Variants in TAAR1 observed in about 807,000 individuals in gnomAD.
The protein encoded by TAAR1 is trace amine associated receptor 1.
In TAAR1, 1 loss-of-function variant was observed where a neutral mutation model predicts 1.2. That is an observed-to-expected ratio of 0.81 (90% CI 0.29 to 3.86). The LOEUF is 3.86. Ranked by LOEUF, TAAR1 falls within the 30% of genes most tolerant of loss-of-function variation. The probability of loss-of-function intolerance (pLI) is 0.18; values close to 1 mark genes in which losing one functional copy is unlikely to be tolerated. For missense variants in TAAR1, 445 were observed against 405.6 expected, an observed-to-expected ratio of 1.10 and a Z score of -0.83; for synonymous variants, 153 against 132.2, an observed-to-expected ratio of 1.16 and a Z score of -1.08.
chr6:132,656,694 C>G (rs1017165038), intron 1 of TAAR1, among the ~76,000 whole-genome samples: 4 of 152,112 alleles, frequency 2.6e-5, no homozygotes, highest in African/African-American at 9.7e-5. Context: ...ATTGTATAAG[C>G]ACCCAAATAG....
intron 1 of TAAR1, among the ~76,000 whole-genome samples, chr6:132,646,784 T>C (rs1165097291): frequency 6.6e-6 from 1 of 152,132 alleles, no homozygotes; most frequent in African/African-American, 2.4e-5. Flanking sequence ...CTCATTTTAC[T>C]GGCAAGAAAT....
rs1278576456 is a variant in TAAR1, at chr6:132,659,110, T to C, written c.-127+20A>G. 6.6e-6 allele frequency among the ~76,000 whole-genome samples: 1 copy of C among 152,174 alleles called. No homozygotes were observed. Among genetic ancestry groups the C allele is most frequent in the Non-Finnish European group, 1.5e-5 (1 of 68,038 alleles). On this transcript the variant is annotated intron_variant, in intron 1 of 1. Coordinates refer to ENST00000275216, the MANE Select transcript of TAAR1 (RefSeq NM_138327.4). ...TAGTCTCTAGGATTTGGTTTGGCTG[T>C]TCAGCAAATTCAGACCCACCTGCTC...
intron 1 of TAAR1, among the ~76,000 whole-genome samples, chr6:132,649,776 A>G (rs1287253016): frequency 6.6e-6 from 1 of 152,142 alleles, no homozygotes; most frequent in Non-Finnish European, 1.5e-5. Context: ...ACCTCCCACC[A>G]GGTCCCTTCC....
chr6:132,645,079 G>C lies in TAAR1; in HGVS notation c.925C>G (p.Pro309Ala). The change falls in exon 2 of 2, where the codon CCT (proline) becomes GCT (alanine). Residue 309 changes from proline (P) to alanine (A), a missense_variant. Pro to Ala is a conservative substitution (Grantham distance 27). Transcript: ENST00000275216. ...FNPMVYAFFYPWFRKALKMML... is the reference protein window; with the variant it reads ...FNPMVYAFFYAWFRKALKMML... ...ATCTTCAGTGCTTTTCTAAACCAAG[G>C]ATAGAAAAATGCATAAACCATTGGA... 1 of 1,611,212 alleles carries C rather than the reference G, an allele frequency of 6.2e-7. No homozygotes were observed. The highest frequency in any genetic ancestry group is 8.5e-7 in the Non-Finnish European group (1 of 1,179,064).
At chr6:132,648,024 T>A (rs574278113) in intron 1 of TAAR1, among the ~76,000 whole-genome samples, 1 of 152,282 alleles carries the variant, frequency 6.6e-6, no homozygotes, top group South Asian at 2.1e-4. Context: ...ACACACAGGC[T>A]CATTCCATGA....
At chr6:132,651,453 T>C (rs73557834) in intron 1 of TAAR1, among the ~76,000 whole-genome samples, 9,478 of 152,256 alleles carry the variant, frequency 0.062, 338 homozygotes, top group East Asian at 0.11. Context: ...AGCTTCTCCT[T>C]CTGCTCTCTA....
chr6:132,656,423 G>C (rs950466856), intron 1 of TAAR1, among the ~76,000 whole-genome samples: 1 of 152,012 alleles, frequency 6.6e-6, no homozygotes, highest in East Asian at 1.9e-4. Flanking sequence ...AGATAAATAG[G>C]GGGAGGGAGA....
At position 132,645,746 on chromosome 6, in the gene TAAR1, C is replaced by T. The variant is rs377606507; in HGVS notation, c.258G>A (p.Glu86=). ...AGACTTCTCCAAAATACCAACAGTG[C>T]TCAGCAGATCTCACCATACTGTAAG... ...VMPYSMVRSA[E]HCWYFGEVFC... is the part of the protein sequence containing the mutation. The change falls in exon 2 of 2, where the codon GAG becomes GAA. Residue 86 remains glutamate (E), a synonymous_variant. Transcript: ENST00000275216. 422 of 1,613,736 alleles carry T rather than the reference C, an allele frequency of 2.6e-4. 5 individuals carry two copies. In the South Asian group the frequency reaches 4.3e-3, roughly 17 times the overall value.
At chr6:132,651,253 T>C (rs1039879957) in intron 1 of TAAR1, among the ~76,000 whole-genome samples, 6 of 152,168 alleles carry the variant, frequency 3.9e-5, no homozygotes, top group African/African-American at 9.7e-5. Context: ...TCAGTTCCCT[T>C]TCCTATTCAT....
At position 132,653,745 on chromosome 6, in the gene TAAR1, G is replaced by A. The variant is rs565900911; in HGVS notation, c.-127+5385C>T. On this transcript the variant is annotated intron_variant, in intron 1 of 1. Coordinates refer to ENST00000275216, the MANE Select transcript of TAAR1 (RefSeq NM_138327.4). ...TTTGTGTTAACCTAAATATACTGTT[G>A]TTTTACGATCTCTTATTGATCTTGG... 1.2e-4 allele frequency among the ~76,000 whole-genome samples: 18 copies of A among 152,276 alleles called. No homozygotes were observed. The South Asian group carries it at 3.5e-3, about 30-fold the overall frequency.
intron 1 of TAAR1, among the ~76,000 whole-genome samples, chr6:132,655,836 T>A (rs1777799778): frequency 6.6e-6 from 1 of 152,196 alleles, no homozygotes; most frequent in African/African-American, 2.4e-5. Context: ...CGTTTGGACA[T>A]GTTTTGAAGA....
Position 132,645,244 on chromosome 6 carries a change from C to T in TAAR1, c.760G>A (p.Gly254Arg). 1 of 1,613,746 alleles carries T rather than the reference C, an allele frequency of 6.2e-7. No individual in the cohort carries two copies. The highest frequency in any genetic ancestry group is 2.2e-5 in the East Asian group (1 of 44,858). The change falls in exon 2 of 2, where the codon GGG becomes AGG. Residue 254 changes from glycine (G) to arginine (R), a missense_variant. Physicochemically the swap from Gly to Arg is moderately radical, Grantham distance 125. Transcript: ENST00000275216. The part of the protein sequence containing the change: ...SKERKAVKTL[G>R]IVMGVFLICW... ...ATTAGGAAAACTCCCATCACAATCCCCAATGTCTTCACAGCTTTCCTTTCT... is the reference window on the plus strand; with the variant it reads ...ATTAGGAAAACTCCCATCACAATCCTCAATGTCTTCACAGCTTTCCTTTCT...
rs1489526729 is a variant in TAAR1 at position 132,644,435 on chromosome 6, GA to G, written c.*548del. ...TTTTTCAAATTTCTTAGAAGCATGA[GA>G]ATCAGAAAAACATAATTTAAAAATG... On this transcript the variant is annotated 3_prime_UTR_variant, in exon 2 of 2. Transcript: ENST00000275216. 6.6e-6 allele frequency among the ~76,000 whole-genome samples: 1 copy of G among 151,296 alleles called. No individual in the cohort carries two copies. The highest frequency in any genetic ancestry group is 1.5e-5 in the Non-Finnish European group (1 of 67,792).
At chr6:132,654,507 G>A (rs1777781641) in intron 1 of TAAR1, among the ~76,000 whole-genome samples, 1 of 152,146 alleles carries the variant, frequency 6.6e-6, no homozygotes, top group African/African-American at 2.4e-5. Flanking sequence ...ACAAATATAG[G>A]CTGACCTTAA....
chr6:132,652,998 G>A (rs575662226), intron 1 of TAAR1, among the ~76,000 whole-genome samples: 13 of 152,152 alleles, frequency 8.5e-5, no homozygotes, highest in South Asian at 6.2e-4. Context: ...GGGAGACAAG[G>A]CCTTTTGAAA....
intron 1 of TAAR1, among the ~76,000 whole-genome samples, chr6:132,651,391 T>C (rs1260709097): frequency 1.3e-5 from 2 of 152,180 alleles, no homozygotes; most frequent in African/African-American, 2.4e-5. Flanking sequence ...TCCCACAGGA[T>C]ATCACCACTT....
intron 1 of TAAR1, among the ~76,000 whole-genome samples, chr6:132,656,367 C>T (rs1003051840): frequency 1.3e-5 from 2 of 151,910 alleles, no homozygotes; most frequent in Non-Finnish European, 2.9e-5. Context: ...AATAGATGCA[C>T]TCTAATGGGT....
intron 1 of TAAR1, among the ~76,000 whole-genome samples, chr6:132,652,360 G>A (rs1777758676): frequency 6.8e-6 from 1 of 146,536 alleles, no homozygotes. Flanking sequence ...CTGGAGTGCA[G>A]TGGCAGGATC....
At chr6:132,650,831 C>A (rs970625282) in intron 1 of TAAR1, among the ~76,000 whole-genome samples, 38 of 152,238 alleles carry the variant, frequency 2.5e-4, no homozygotes, top group Non-Finnish European at 1.8e-4. Context: ...GGTTCTCTTC[C>A]AAATACCTTC....
Sources: gnomAD v4.1 joint callset for allele counts (sites outside exome capture counted in the v4.1 genomes callset) on GRCh38, gnomAD v4.1.1 for gene constraint, MANE v1.5 for transcripts, NCBI Gene and HGNC (gene_info 2026-07-23, HGNC 2026-07-21) for gene names.